RBM25: variants seen among roughly 807,000 people sequenced by gnomAD.
The protein encoded by RBM25 is RNA-binding protein 25.
A neutral mutation model predicts 120.7 loss-of-function variants in RBM25; 19 were observed. The observed-to-expected ratio is 0.16, with a 90% CI of 0.11 to 0.23. The LOEUF is 0.23. Ranked by LOEUF, RBM25 falls within the 10% of genes least tolerant of loss-of-function variation. The pLI, the probability that RBM25 is intolerant of heterozygous loss-of-function variation, is 1.00. For synonymous variants in RBM25, 390 were observed against 326.7 expected, an observed-to-expected ratio of 1.19 and a Z score of -2.09; for missense variants, 605 against 1,041.5, an observed-to-expected ratio of 0.58 and a Z score of 5.77.
In RBM25 at chr14:73,077,468, A is replaced by G. The variant is rs1360404185; in HGVS notation, c.256A>G (p.Thr86Ala). The G allele has an allele frequency of 1.2e-6, 2 of 1,614,126 alleles. No individual in the cohort carries two copies. Residue 86 changes from threonine to alanine, a missense_variant, in exon 4 of 19, where the codon ACT becomes GCT. Thr to Ala is a moderately conservative substitution (Grantham distance 58). Transcript: ENST00000261973. ...AKENDENCGP[T>A]TTVFVGNISE... The stretch of plus-strand genomic sequence containing the variant: ...AGAAAATGATGAAAATTGTGGTCCT[A>G]CTACCACTGTTTTTGTTGGCAACAT...
chr14:73,066,115 TATAATG>T (rs1259871181), intron 1 of RBM25, among the ~76,000 whole-genome samples: 4 of 152,194 alleles, frequency 2.6e-5, no homozygotes, highest in Admixed American at 2.0e-4. Flanking sequence ...GATAGGCTAT[TATAATG>T]ATAATAGAAG....
chr14:73,063,651 A>G (rs1895057697), intron 1 of RBM25, among the ~76,000 whole-genome samples: 1 of 151,280 alleles, frequency 6.6e-6, no homozygotes, highest in Non-Finnish European at 1.5e-5. Context: ...CAACAACTTG[A>G]TAGCACTTTC....
At chr14:73,092,213 G>C (rs906964056) in intron 6 of RBM25, among the ~76,000 whole-genome samples, 1 of 150,042 alleles carries the variant, frequency 6.7e-6, no homozygotes, top group South Asian at 2.1e-4. Context: ...GTGGTGGGGG[G>C]TGTAGGGAGA....
intron 1 of RBM25, among the ~76,000 whole-genome samples, chr14:73,060,160 T>A (rs1419981670): frequency 6.7e-6 from 1 of 148,406 alleles, no homozygotes; most frequent in Non-Finnish European, 1.5e-5. Context: ...TGCCTCAGCC[T>A]CCTGAGTAGC....
Position 73,077,420 on chromosome 14 carries a change from G to A in RBM25, c.208G>A (p.Asp70Asn). 6.2e-7 allele frequency: 1 copy of A among 1,613,874 alleles called. No homozygotes were observed. The highest frequency in any genetic ancestry group is 8.5e-7 in the Non-Finnish European group (1 of 1,179,792). Residue 70 changes from aspartate to asparagine, a missense_variant, in exon 4 of 19, where the codon GAT (aspartate) becomes AAT (asparagine). Asp to Asn is a conservative substitution (Grantham distance 23). Around this residue, in one of 4 missense-constraint regions of RBM25, gnomAD observed 90 missense variants for 107.3 expected, o/e 0.84. Coordinates refer to ENST00000261973, the MANE Select transcript of RBM25 (RefSeq NM_021239.3). ...MVGKHLGARK[D>N]HPGLKAKEND... is the part of the protein sequence containing the mutation. ...TGGAAAGCATTTGGGCGCAAGAAAG[G>A]ATCATCCAGGCTTAAAGGCTAAAGA...
At chr14:73,094,810 GGTGTGTGTGTGT>G (rs60336075) in intron 6 of RBM25, among the ~76,000 whole-genome samples, 92 of 145,280 alleles carry the variant, frequency 6.3e-4, no homozygotes, top group South Asian at 1.6e-3. Flanking sequence ...ACAGGAGCGA[GGTGTGTGTGTGT>G]GTGTGTGTGT....
At chr14:73,060,113 A>C (rs1430683787) in intron 1 of RBM25, among the ~76,000 whole-genome samples, 3 of 151,794 alleles carry the variant, frequency 2.0e-5, no homozygotes, top group African/African-American at 7.3e-5. Flanking sequence ...GATCTTGGCC[A>C]CTGCAACCTC....
rs1895298237 is a variant in RBM25, at chr14:73,071,745, C to T, written c.104C>T (p.Pro35Leu). ...QFPGFPPPVP[P>L]GTPMIPVPMS... Reference sequence around the variant, plus strand: ...CCAGGATTTCCTCCACCTGTACCTCCAGGTAAGTTTGTTGATACTGTTTTT... The same window carrying T: ...CCAGGATTTCCTCCACCTGTACCTCTAGGTAAGTTTGTTGATACTGTTTTT... The change falls in exon 2 of 19, where the codon CCA (proline) becomes CTA (leucine). Residue 35 changes from proline (P) to leucine (L), a missense_variant and splice_region_variant. By Grantham distance (98) the Pro-to-Leu change is moderately conservative. Around this residue, in one of 4 missense-constraint regions of RBM25, gnomAD observed 90 missense variants for 107.3 expected, o/e 0.84. Transcript: ENST00000261973. The T allele has an allele frequency of 6.2e-7, 1 of 1,608,542 alleles. No homozygotes were observed. The highest frequency in any genetic ancestry group is 1.7e-5 in the Admixed American group (1 of 59,926).
intron 4 of RBM25, among the ~76,000 whole-genome samples, chr14:73,082,362 G>C (rs1221077713): frequency 6.6e-6 from 1 of 152,078 alleles, no homozygotes; most frequent in Non-Finnish European, 1.5e-5. Flanking sequence ...CATGATTACA[G>C]CTCACTGCAG....
intron 2 of RBM25, among the ~76,000 whole-genome samples, chr14:73,075,086 A>T (rs1895384221): frequency 6.6e-6 from 1 of 151,734 alleles, no homozygotes; most frequent in South Asian, 2.1e-4. Flanking sequence ...AGCACACCGC[A>T]GCCTTGAACT....
In RBM25 at chr14:73,120,744, G is replaced by GT. The variant is rs1896525696; in HGVS notation, c.*940dup. 6.6e-6 allele frequency: 1 copy of GT among 152,102 alleles called. No individual in the cohort carries two copies. The highest frequency in any genetic ancestry group is 1.5e-5 in the Non-Finnish European group (1 of 68,010). The allele number at this position is 152,102 out of a possible 1,614,324, so 9.4% of individuals were successfully genotyped here. A position where few individuals can be genotyped will look rare whatever the true frequency, so the allele number is the denominator to read the frequency against. Reference sequence around the variant, plus strand: ...CAAAAAATTCATCATACCAAAAAGTGTAAGTGAAAACCCCCTTTAAAACAA... The same window carrying GT: ...CAAAAAATTCATCATACCAAAAAGTGTTAAGTGAAAACCCCCTTTAAAACAA... On this transcript the variant is annotated 3_prime_UTR_variant, in exon 19 of 19. Transcript: ENST00000261973.
chr14:73,058,634 C>G lies in RBM25; in HGVS notation c.-87C>G, dbSNP rs981590473. The G allele has an allele frequency of 6.6e-6, 1 of 152,158 alleles. No individual in the cohort carries two copies. The highest frequency in any genetic ancestry group is 1.5e-5 in the Non-Finnish European group (1 of 68,074). 9.4% of individuals were successfully genotyped at this position (152,158 alleles called of 1,614,324 possible). ...CCTGGCGAGCGACGGGCAGAAATCT[C>G]GAACCAGTGGAGCGCACTCGTAACC... On this transcript the variant is annotated 5_prime_UTR_variant, in exon 1 of 19. Transcript: ENST00000261973.
chr14:73,076,987 A>G (rs779137435), intron 3 of RBM25, among the ~76,000 whole-genome samples: 1 of 152,254 alleles, frequency 6.6e-6, no homozygotes, highest in Non-Finnish European at 1.5e-5. Context: ...AGGCCGAGGC[A>G]GGAGAGTCCC....
chr14:73,107,805 A>T, intron 12 of RBM25, 21 bp from the exon 13 acceptor site: 1 of 1,510,376 alleles, frequency 6.6e-7, no homozygotes, highest in East Asian at 2.3e-5. Flanking sequence ...AATTTTATAC[A>T]TTGTCCTTAT....
In RBM25 at chr14:73,119,706, T is replaced by C. The variant is rs750166702; in HGVS notation, c.2440-7T>C. Reference sequence around the variant, plus strand: ...TTACATGTGTTGCTGTTTTGTTTCCTCTTTAGGTACTTGATGAAGAAGCAG... The same window carrying C: ...TTACATGTGTTGCTGTTTTGTTTCCCCTTTAGGTACTTGATGAAGAAGCAG... On this transcript the variant is annotated splice_region_variant and splice_polypyrimidine_tract_variant and intron_variant, in intron 18 of 18. Transcript: ENST00000261973. The C allele has an allele frequency of 6.2e-7, 1 of 1,611,684 alleles. No homozygotes were observed. The highest frequency in any genetic ancestry group is 2.2e-5 in the East Asian group (1 of 44,778).
In RBM25 at chr14:73,105,911, AGAGAAC is replaced by A. The variant is rs752938508; in HGVS notation, c.1212_1217del (p.Arg425_Glu426del). On this transcript the variant is annotated inframe_deletion, in exon 11 of 19. Coordinates refer to ENST00000261973, the MANE Select transcript of RBM25 (RefSeq NM_021239.3). Reference sequence around the variant, plus strand: ...ACGAGAGCGGGAAAGAGAGAGAGAGAGAGAACGAGAGCGAGAACGAGAACGGGAGCG... The same window carrying A: ...ACGAGAGCGGGAAAGAGAGAGAGAGAGAGAGCGAGAACGAGAACGGGAGCG... 2.2e-5 allele frequency: 35 copies of A among 1,612,914 alleles called. No individual in the cohort carries two copies. The highest frequency in any genetic ancestry group is 2.6e-5 in the Non-Finnish European group (31 of 1,179,428).
chr14:73,111,123 A>G lies in RBM25; in HGVS notation c.1985A>G (p.His662Arg), dbSNP rs558863622. 4 of 1,613,560 alleles carry G rather than the reference A, an allele frequency of 2.5e-6. No homozygotes were observed. In the South Asian group the frequency reaches 3.3e-5, roughly 13 times the overall value. The change falls in exon 15 of 19, where the codon CAT becomes CGT. Residue 662 changes from histidine to arginine, a missense_variant. Physicochemically the swap from His to Arg is conservative, Grantham distance 29. Transcript: ENST00000261973. ...NSPDQQQPEE[H>R]RPKIGLSLKL... ...CCAGATCAACAGCAACCTGAGGAGC[A>G]TAGGCCAAAAATAGGACTAAGTCTT... is the stretch of plus-strand genomic sequence containing the variant.
chr14:73,066,465 C>T (rs548208008), intron 1 of RBM25, among the ~76,000 whole-genome samples: 20 of 151,986 alleles, frequency 1.3e-4, no homozygotes, highest in Non-Finnish European at 2.1e-4. Context: ...GGTGAAACCC[C>T]GTCTCTACTA....
chr14:73,065,298 T>C (rs1895103194), intron 1 of RBM25, among the ~76,000 whole-genome samples: 1 of 151,978 alleles, frequency 6.6e-6, no homozygotes, highest in African/African-American at 2.4e-5. Flanking sequence ...CCAGCTAGTT[T>C]TTGTATTTTA....
Sources: allele counts gnomAD v4.1 joint callset (sites outside exome capture counted in the v4.1 genomes callset), GRCh38; gene constraint gnomAD v4.1.1; regional missense constraint gnomAD v4.1.1; transcripts MANE v1.5; gene names NCBI Gene and HGNC (gene_info 2026-07-23, HGNC 2026-07-21).